The following ZNF432 variants were observed in gnomAD, a reference collection of about 807,000 sequenced individuals.
ZNF432 encodes zinc finger protein 432.
Under a neutral mutation model 13.9 loss-of-function variants are expected in ZNF432, and 10 were observed. That is an observed-to-expected ratio of 0.72 (90% CI 0.44 to 1.22). The LOEUF (loss-of-function observed/expected upper bound fraction) is 1.22. ZNF432 is among the 50% of genes most tolerant of loss of function. The pLI, the probability that ZNF432 is intolerant of heterozygous loss-of-function variation, is 0.00. For synonymous variants in ZNF432, 247 were observed against 256.2 expected (o/e 0.96, Z 0.34); for missense variants, 793 against 796.2 (o/e 1.00, Z 0.05).
chr19:52,032,286 G>A lies in ZNF432; in HGVS notation c.*1434C>T, dbSNP rs539754353. ...CACCAGATTGGCACAGAAAACACCT[G>A]TGTTATATATAGGATTAAAATTTAA... On this transcript the variant is annotated 3_prime_UTR_variant, in exon 5 of 5. Transcript: ENST00000221315. The A allele has an allele frequency of 6.6e-6, 1 of 152,098 alleles. No homozygotes were observed. The highest frequency in any genetic ancestry group is 2.1e-4 in the South Asian group (1 of 4,820). 9.4% of individuals were successfully genotyped at this position (152,098 alleles called of 1,614,324 possible).
chr19:52,040,398 G>T, intron 4 of ZNF432, 90 bp downstream of exon 4: 1 of 1,109,794 alleles, frequency 9.0e-7, no homozygotes. Flanking sequence ...CATTCCTAAT[G>T]TAGGCACTGC....
At chr19:52,039,470 C>A (rs76886341) in intron 4 of ZNF432, among the ~76,000 whole-genome samples, 2,938 of 152,032 alleles carry the variant, frequency 0.019, 89 homozygotes, top group African/African-American at 0.067. Context: ...TGAAAGAAGC[C>A]GGACACAAAA....
chr19:52,044,230 GAAAT>G (rs1302453235), intron 2 of ZNF432, among the ~76,000 whole-genome samples: 1 of 151,776 alleles, frequency 6.6e-6, no homozygotes, highest in African/African-American at 2.4e-5. Context: ...TTTCACACGA[GAAAT>G]AAATCTGTTT....
At chr19:52,037,298 G>C (rs879807560) in intron 4 of ZNF432, among the ~76,000 whole-genome samples, 1 of 152,058 alleles carries the variant, frequency 6.6e-6, no homozygotes, top group Non-Finnish European at 1.5e-5. Flanking sequence ...CACGTTTAAT[G>C]AACAACTCCT....
In ZNF432 at chr19:52,034,548, T is replaced by C. The variant is rs1427355698; in HGVS notation, c.1131A>G (p.Glu377=). ...TCTTCATGGTGAAGCCTTTCCCACA[T>C]TCATTGCATATATATGGTTTCTCTC... ...HTGEKPYICN[E]CGKGFTMKSR... Residue 377 remains glutamate, a synonymous_variant, in exon 5 of 5, where the codon GAA becomes GAG. Transcript: ENST00000221315. 6.2e-7 allele frequency: 1 copy of C among 1,613,736 alleles called. No individual in the cohort carries two copies. Among genetic ancestry groups the C allele is most frequent in the Admixed American group, 1.7e-5 (1 of 60,004 alleles).
chr19:52,034,635 A>G lies in ZNF432; in HGVS notation c.1044T>C (p.Ser348=). 1 of 1,613,398 alleles carries G rather than the reference A, an allele frequency of 6.2e-7. No individual in the cohort carries two copies. Among genetic ancestry groups the G allele is most frequent in the Non-Finnish European group, 8.5e-7 (1 of 1,179,740 alleles). The stretch of plus-strand genomic sequence containing the variant: ...TTGTGGTGAAGCCTTTCCCACATTC[A>G]CTACAGATGTAGGGCTTCTCTCCTG... The part of the protein sequence containing the change: ...THTGEKPYIC[S]ECGKGFTTKH... The change falls in exon 5 of 5, where the codon AGT becomes AGC. Residue 348 remains serine (S), a synonymous_variant. Transcript: ENST00000221315.
In ZNF432 at chr19:52,035,784, C is replaced by T. The variant is rs374728058; in HGVS notation, c.239-344G>A. Among the ~76,000 whole-genome samples the T allele has an allele frequency of 1.2e-3, 178 of 152,274 alleles. 1 individual carries two copies. Among genetic ancestry groups the T allele is most frequent in the Non-Finnish European group, 1.6e-3 (108 of 68,008 alleles). ...CTGACCTCCAGTGATACCCCTACGT[C>T]GGCCTCTCAAAATGCTGGGATTACA... On this transcript the variant is annotated intron_variant, in intron 4 of 4. Transcript: ENST00000221315.
rs1199694529 is a variant in ZNF432, at chr19:52,032,158, C to A, written c.*1562G>T. On this transcript the variant is annotated 3_prime_UTR_variant, in exon 5 of 5. Coordinates refer to ENST00000221315, the MANE Select transcript of ZNF432 (RefSeq NM_014650.4). Reference sequence around the variant, plus strand: ...CATTTTTGTAAACTACATAATGGTACCTAGTAACTTGGATAAACACATCCA... The same window carrying A: ...CATTTTTGTAAACTACATAATGGTAACTAGTAACTTGGATAAACACATCCA... 1.3e-5 allele frequency: 2 copies of A among 151,862 alleles called. No individual in the cohort carries two copies. Among genetic ancestry groups the A allele is most frequent in the African/African-American group, 4.8e-5 (2 of 41,294 alleles). 9.4% of individuals were successfully genotyped at this position (151,862 alleles called of 1,614,324 possible).
chr19:52,045,918 C>G (rs1170879727), intron 2 of ZNF432, among the ~76,000 whole-genome samples: 2 of 150,338 alleles, frequency 1.3e-5, no homozygotes, highest in African/African-American at 4.9e-5. Flanking sequence ...TCCCTTGAAC[C>G]CAGGACGTGG....
In ZNF432 at chr19:52,034,003, T is replaced by G. The variant is rs764341149; in HGVS notation, c.1676A>C (p.His559Pro). 3 of 1,614,216 alleles carry G rather than the reference T, an allele frequency of 1.9e-6. No homozygotes were observed. The highest frequency in any genetic ancestry group is 2.5e-6 in the Non-Finnish European group (3 of 1,180,046). The change falls in exon 5 of 5, where the codon CAT becomes CCT. Residue 559 changes from histidine (H) to proline (P), a missense_variant. Transcript: ENST00000221315. Reference protein sequence around the residue: ...GFTMKRYLIVHQQIHTEEKSC... With the variant: ...GFTMKRYLIVPQQIHTEEKSC... Reference sequence around the variant, plus strand: ...TTTCTCTTCTGTATGAATTTGCTGATGTACAATGAGATAGCGTTTCATGGT... The same window carrying G: ...TTTCTCTTCTGTATGAATTTGCTGAGGTACAATGAGATAGCGTTTCATGGT...
intron 2 of ZNF432, 52 bp from the exon 3 acceptor site, chr19:52,041,658 A>T (rs1371923581): frequency 3.1e-6 from 5 of 1,612,228 alleles, no homozygotes; most frequent in Non-Finnish European, 4.2e-6. Flanking sequence ...TTTTACTGAC[A>T]TGAAAAGAAA....
At chr19:52,048,128 A>AACACACACACATACACACACACAC (rs2087205665) in intron 1 of ZNF432, among the ~76,000 whole-genome samples, 1 of 103,342 alleles carries the variant, frequency 9.7e-6, no homozygotes, top group Non-Finnish European at 2.0e-5. Context: ...GTTTGAGCTC[A>AACACACACACATACACACACACAC]ACACACACAC....
At position 52,032,435 on chromosome 19, in the gene ZNF432, G is replaced by GT. The variant is rs58759272; in HGVS notation, c.*1284dup. ...AGATTTGTGACAGTCCTCAAATATG[G>GT]TTTTTTTTTTTTTTTTTTGAGGCAG... On this transcript the variant is annotated 3_prime_UTR_variant, in exon 5 of 5. Transcript: ENST00000221315. The GT allele has an allele frequency of 0.34, 44,256 of 130,178 alleles. 8,030 individuals are homozygous for GT. The highest frequency in any genetic ancestry group is 0.58 in the South Asian group (2,394 of 4,094). 8.1% of individuals were successfully genotyped at this position (130,178 alleles called of 1,614,324 possible).
chr19:52,047,978 A>C (rs371902608), intron 1 of ZNF432, among the ~76,000 whole-genome samples: 162 of 152,136 alleles, frequency 1.1e-3, no homozygotes, highest in African/African-American at 3.7e-3. Context: ...CTTCACCCCC[A>C]AAAAACTTTC....
At chr19:52,042,104 A>C (rs150084254) in intron 2 of ZNF432, among the ~76,000 whole-genome samples, 166 of 152,360 alleles carry the variant, frequency 1.1e-3, no homozygotes, top group African/African-American at 3.5e-3. Context: ...TATTCTTGGA[A>C]ACATACATTA....
intron 2 of ZNF432, among the ~76,000 whole-genome samples, chr19:52,046,264 C>T (rs889303286): frequency 4.6e-5 from 7 of 152,044 alleles, no homozygotes; most frequent in African/African-American, 1.7e-4. Flanking sequence ...CTATGCACAC[C>T]TTCCATTTTC....
At chr19:52,036,491 T>A (rs548698364) in intron 4 of ZNF432, among the ~76,000 whole-genome samples, 17 of 152,308 alleles carry the variant, frequency 1.1e-4, no homozygotes, top group African/African-American at 4.1e-4. Flanking sequence ...GATGACAGCA[T>A]CTGATAATGA....
intron 1 of ZNF432, 73 bp from the exon 2 acceptor site, chr19:52,047,133 G>T: frequency 2.3e-6 from 1 of 429,308 alleles, no homozygotes; most frequent in Non-Finnish European, 4.1e-6. Context: ...TCTTTATTTG[G>T]TTCTCTCAAA....
At chr19:52,045,248 A>G (rs988980616) in intron 2 of ZNF432, among the ~76,000 whole-genome samples, 1 of 152,164 alleles carries the variant, frequency 6.6e-6, no homozygotes, top group Non-Finnish European at 1.5e-5. Flanking sequence ...AGAGATGCAC[A>G]CATTTCAGTG....
Sources: allele counts gnomAD v4.1 joint callset (sites outside exome capture counted in the v4.1 genomes callset), GRCh38; gene constraint gnomAD v4.1.1; transcripts MANE v1.5; gene names NCBI Gene and HGNC (gene_info 2026-07-23, HGNC 2026-07-21).